The following SMARCB1 variants were observed in gnomAD, a reference collection of about 807,000 sequenced individuals.
The protein encoded by SMARCB1 is SWI/SNF-related matrix-associated actin-dependent regulator of chromatin subfamily B member 1.
SMARCB1 carries 5 observed loss-of-function variants against 49.0 expected under a neutral mutation model. The observed-to-expected ratio is 0.10, with a 90% CI of 0.05 to 0.21. SMARCB1 has a LOEUF of 0.21. SMARCB1 is among the 10% of genes least tolerant of loss of function. The pLI, the probability that SMARCB1 is intolerant of heterozygous loss-of-function variation, is 1.00. For synonymous variants in SMARCB1, 201 were observed against 200.1 expected, an observed-to-expected ratio of 1.00 and a Z score of -0.04; for missense variants, 226 against 509.2, an observed-to-expected ratio of 0.44 and a Z score of 5.35.
intron 3 of SMARCB1, among the ~76,000 whole-genome samples, chr22:23,797,570 A>G (rs1261367932): frequency 7.0e-6 from 1 of 143,018 alleles, no homozygotes; most frequent in African/African-American, 2.6e-5. Flanking sequence ...TCGGCCTCCC[A>G]AAGTGCTGGG....
At chr22:23,817,024 G>A in intron 6 of SMARCB1, 88 bp downstream of exon 6, 1 of 1,056,236 alleles carries the variant, frequency 9.5e-7, no homozygotes, top group Non-Finnish European at 1.4e-6. Flanking sequence ...CAAGGCCTCA[G>A]CAGAAGCCCG....
rs1262765656 is a variant in SMARCB1, at chr22:23,799,280, TA to T, written c.363-1663del. Among the ~76,000 whole-genome samples, 187 of 150,908 alleles carry T rather than the reference TA, an allele frequency of 1.2e-3. 1 individual carries two copies. Among genetic ancestry groups the T allele is most frequent in the African/African-American group, 4.1e-3 (168 of 41,028 alleles). On this transcript the variant is annotated intron_variant, in intron 3 of 8. Transcript: ENST00000644036. The stretch of plus-strand genomic sequence containing the variant: ...AGCCTTAGTTTAAAACAGCTTTTGG[TA>T]TTTTTTTTTTTTTTTCGAGATAGGA...
chr22:23,833,758 C>G, intron 8 of SMARCB1, 55 bp downstream of exon 8: 1 of 1,601,424 alleles, frequency 6.2e-7, no homozygotes, highest in Non-Finnish European at 8.5e-7. Flanking sequence ...GCTTTCCAGG[C>G]AGAGGCAGGG....
chr22:23,807,857 T>C (rs9612434), intron 5 of SMARCB1, among the ~76,000 whole-genome samples: 2,674 of 146,786 alleles, frequency 0.018, 56 homozygotes, highest in South Asian at 0.11. Context: ...TGCAGTGGCA[T>C]GATCTCGGCT....
At chr22:23,816,961 G>A (rs1930232031) in intron 6 of SMARCB1, 25 bp downstream of exon 6, 10 of 1,606,348 alleles carry the variant, frequency 6.2e-6, no homozygotes, top group Non-Finnish European at 8.5e-6. Flanking sequence ...ACCCAGCACT[G>A]GAGCCTTCCT....
At chr22:23,821,325 GGGAACAGTGTCCTGTCTTGCCCATGA>G (rs566915771) in intron 6 of SMARCB1, among the ~76,000 whole-genome samples, 178 of 152,262 alleles carry the variant, frequency 1.2e-3, no homozygotes, top group African/African-American at 4.1e-3. Flanking sequence ...CCGTGACCCT[GGGAACAGTGTCCTGTCTTGCCCATGA>G]GGAATAGAAG....
At chr22:23,798,410 A>T (rs992237815) in intron 3 of SMARCB1, among the ~76,000 whole-genome samples, 2 of 152,132 alleles carry the variant, frequency 1.3e-5, no homozygotes, top group African/African-American at 4.8e-5. Flanking sequence ...CTATAAAAAT[A>T]AAAAAATTTA....
rs767592817 is a variant in SMARCB1 at position 23,829,827 on chromosome 22, GTC to G, written c.987-3740_987-3739del. 3.9e-5 allele frequency among the ~76,000 whole-genome samples: 6 copies of G among 152,278 alleles called. No individual in the cohort carries two copies. In the East Asian group the frequency reaches 7.7e-4, roughly 20 times the overall value. ...GCAGGCAGTCCCGTTCCTCCCCGCT[GTC>G]TCTCAGCCCTAGGTGTCCACTCATC... On this transcript the variant is annotated intron_variant, in intron 7 of 8. Transcript: ENST00000644036.
chr22:23,787,085 T>G lies in SMARCB1; in HGVS notation c.-85T>G, dbSNP rs1555875281. 6.9e-5 allele frequency: 61 copies of G among 878,756 alleles called. No homozygotes were observed. In the South Asian group the frequency reaches 8.2e-4, roughly 12 times the overall value. The allele number at this position is 878,756 out of a possible 1,614,324, so 54.4% of individuals were successfully genotyped here. ...CGCATTTCGCCTTCCGGCTTCGGTT[T>G]CCCTCGGCCCAGCACGCCCCGGCCC... On this transcript the variant is annotated 5_prime_UTR_variant, in exon 1 of 9. Transcript: ENST00000644036.
chr22:23,831,632 G>C lies in SMARCB1; in HGVS notation c.987-1940G>C, dbSNP rs562445097. ...TTCTTACTTTAGAACAAACCCACTG[G>C]AGTGGAATATTCCCAGCATCAAGGG... On this transcript the variant is annotated intron_variant, in intron 7 of 8. Coordinates refer to ENST00000644036, the MANE Select transcript of SMARCB1 (RefSeq NM_003073.5). Among the ~76,000 whole-genome samples, 3 of 152,310 alleles carry C rather than the reference G, an allele frequency of 2.0e-5. No individual in the cohort carries two copies. The East Asian group carries it at 5.8e-4, about 29-fold the overall frequency.
At chr22:23,822,787 C>T (rs1425898087) in intron 6 of SMARCB1, among the ~76,000 whole-genome samples, 1 of 151,966 alleles carries the variant, frequency 6.6e-6, no homozygotes, top group Admixed American at 6.6e-5. Flanking sequence ...GGCACATTCA[C>T]TTCTTCCTAA....
chr22:23,832,128 G>C (rs142384721), intron 7 of SMARCB1, among the ~76,000 whole-genome samples: 1 of 152,158 alleles, frequency 6.6e-6, no homozygotes, highest in African/African-American at 2.4e-5. Flanking sequence ...ACGGGCTCAC[G>C]GCTACTGGAG....
intron 5 of SMARCB1, among the ~76,000 whole-genome samples, chr22:23,808,106 C>A (rs368313196): frequency 1.3e-5 from 2 of 151,366 alleles, no homozygotes; most frequent in African/African-American, 4.9e-5. Flanking sequence ...CAGGCGCCTA[C>A]CACCAGGCCC....
Position 23,834,983 on chromosome 22 carries a change from G to A in SMARCB1, c.*803G>A, listed in dbSNP as rs2030927674. The A allele has an allele frequency of 4.0e-6, 6 of 1,516,674 alleles. No individual in the cohort carries two copies. The South Asian group carries it at 7.5e-5, about 19-fold the overall frequency. The allele number at this position is 1,516,674 out of a possible 1,614,324, so 94.0% of individuals were successfully genotyped here. On this transcript the variant is annotated 3_prime_UTR_variant, in exon 9 of 9. Transcript: ENST00000644036. ...GCACTGCTGGGCTGTCGCCAGCCTG[G>A]GTGCAGGAGGGCTGTTCTAGCTCCA...
At chr22:23,809,253 G>A (rs1226334685) in intron 5 of SMARCB1, among the ~76,000 whole-genome samples, 1 of 151,520 alleles carries the variant, frequency 6.6e-6, no homozygotes, top group Non-Finnish European at 1.5e-5. Flanking sequence ...ATATTGTTCA[G>A]GAATGAACGA....
rs187604522 is a variant in SMARCB1, at chr22:23,816,632, G to A, written c.629-138G>A. On this transcript the variant is annotated intron_variant, in intron 5 of 8. Transcript: ENST00000644036. ...TCCTCCTTCCACTCCCAGTTTCCAG[G>A]AAGGCCACCCCCAGTGCCCTGGTTG... The A allele has an allele frequency of 5.5e-5, 45 of 823,432 alleles. No homozygotes were observed. In the Admixed American group the frequency reaches 6.3e-4, roughly 11 times the overall value. The allele number at this position is 823,432 out of a possible 1,614,324, so 51.0% of individuals were successfully genotyped here.
At chr22:23,803,771 C>G (rs935094862) in intron 5 of SMARCB1, 2 of 385,258 alleles carry the variant, frequency 5.2e-6, no homozygotes, top group Admixed American at 7.3e-5. Context: ...TCCTGTCCAC[C>G]ACTCTGCTTC....
chr22:23,794,355 G>A (rs17630758), intron 3 of SMARCB1, among the ~76,000 whole-genome samples: 25,797 of 152,180 alleles, frequency 0.17, 2,389 homozygotes, highest in African/African-American at 0.24. Flanking sequence ...CGTAAGCCAA[G>A]TCCTGGATTC....
chr22:23,836,686 G>A lies in SMARCB1; in HGVS notation c.*2506G>A, dbSNP rs1224653194. On this transcript the variant is annotated 3_prime_UTR_variant, in exon 9 of 9. Coordinates refer to ENST00000644036, the MANE Select transcript of SMARCB1 (RefSeq NM_003073.5). ...GAGTGAGGACGGGGCAGGCATAGAA[G>A]GATGTGGCCAGGTGAGATGGGGAAG... The A allele has an allele frequency of 5.4e-6, 7 of 1,304,654 alleles. No homozygotes were observed. In the East Asian group the frequency reaches 1.9e-4, roughly 35 times the overall value. 80.8% of individuals were successfully genotyped at this position (1,304,654 alleles called of 1,614,324 possible). A position where few individuals can be genotyped will look rare whatever the true frequency, so the allele number is the denominator to read the frequency against.
Sources: allele counts gnomAD v4.1 joint callset (sites outside exome capture counted in the v4.1 genomes callset), GRCh38; gene constraint gnomAD v4.1.1; transcripts MANE v1.5; gene names NCBI Gene and HGNC (gene_info 2026-07-23, HGNC 2026-07-21).